Variants in ASTN2 observed in about 807,000 individuals in gnomAD.
ASTN2 encodes the protein astrotactin-2.
Under a neutral mutation model 139.8 loss-of-function variants are expected in ASTN2, and 54 were observed. That is an observed-to-expected ratio of 0.39 (90% CI 0.31 to 0.48). The LOEUF (loss-of-function observed/expected upper bound fraction) is 0.48. Among genes scored for constraint, ASTN2 ranks in the 20% least tolerant of loss-of-function variants. ASTN2 has a pLI of 0.95. For missense variants in ASTN2, 1,565 were observed against 1,725.1 expected (o/e 0.91, Z 1.64); for synonymous variants, 756 against 719.5 (o/e 1.05, Z -0.81).
chr9:116,806,472 G>A (rs924557467), intron 12 of ASTN2, among the ~76,000 whole-genome samples: 1 of 152,212 alleles, frequency 6.6e-6, no homozygotes, highest in African/African-American at 2.4e-5. Flanking sequence ...GGCTGGAGGG[G>A]ATGGGGATGG....
intron 2 of ASTN2, among the ~76,000 whole-genome samples, chr9:117,259,263 C>T (rs1275071018): frequency 6.6e-6 from 1 of 152,176 alleles, no homozygotes; most frequent in Non-Finnish European, 1.5e-5. Context: ...CATGTATTCA[C>T]TCATCCCTGC....
At chr9:116,749,617 TG>T (rs1003390807) in intron 13 of ASTN2, among the ~76,000 whole-genome samples, 8 of 152,132 alleles carry the variant, frequency 5.3e-5, no homozygotes, top group Admixed American at 6.5e-5. Context: ...TCCCTACTTT[TG>T]GGGGGCAGGA....
intron 20 of ASTN2, among the ~76,000 whole-genome samples, chr9:116,481,385 A>C (rs73522410): frequency 0.041 from 6,220 of 152,248 alleles, 428 homozygotes; most frequent in African/African-American, 0.14. Context: ...CTGTCTCAAA[A>C]AAATCAAAAT....
intron 12 of ASTN2, among the ~76,000 whole-genome samples, chr9:116,806,060 G>A (rs775741870): frequency 5.9e-5 from 9 of 152,246 alleles, no homozygotes; most frequent in Admixed American, 2.0e-4. Flanking sequence ...GGACACCAGC[G>A]TGCACGTTCA....
chr9:117,146,418 C>T (rs781208611), intron 3 of ASTN2, among the ~76,000 whole-genome samples: 3 of 150,272 alleles, frequency 2.0e-5, no homozygotes, highest in Non-Finnish European at 4.4e-5. Flanking sequence ...AGCCCTGGTC[C>T]CCAAGCCAAG....
Position 117,214,397 on chromosome 9 carries a change from C to T in ASTN2, c.976G>A (p.Gly326Arg). The change falls in exon 3 of 23, where the codon GGA (glycine) becomes AGA (arginine). Residue 326 changes from glycine to arginine, a missense_variant. By Grantham distance (125) the Gly-to-Arg change is moderately radical (BLOSUM62 -2). Around this residue, in one of 4 missense-constraint regions of ASTN2, gnomAD observed 596 missense variants for 576.8 expected, o/e 1.03. Transcript: ENST00000313400. The part of the protein sequence containing the change: ...SQVTHTLDSL[G>R]HPGEEKVDFE... ...TCCACCTTCTCTTCCCCTGGATGTC[C>T]CAGACTGTCCAGAGTGTGGGTCACC... 2 of 1,611,044 alleles carry T rather than the reference C, an allele frequency of 1.2e-6. No individual in the cohort carries two copies. The highest frequency in any genetic ancestry group is 1.7e-6 in the Non-Finnish European group (2 of 1,177,566).
intron 10 of ASTN2, among the ~76,000 whole-genome samples, chr9:116,941,021 C>T (rs183863433): frequency 5.3e-5 from 8 of 152,256 alleles, no homozygotes; most frequent in African/African-American, 1.9e-4. Context: ...TAATAGGCTA[C>T]ATCATGTAGC....
chr9:116,439,287 G>A (rs1439603571), intron 22 of ASTN2, among the ~76,000 whole-genome samples: 1 of 117,498 alleles, frequency 8.5e-6, no homozygotes, highest in African/African-American at 3.7e-5. Context: ...TGCAAGCTCC[G>A]CCTCCCGGGT....
At chr9:116,888,040 A>T (rs1833662663) in intron 10 of ASTN2, among the ~76,000 whole-genome samples, 1 of 152,130 alleles carries the variant, frequency 6.6e-6, no homozygotes, top group Non-Finnish European at 1.5e-5. Context: ...GATAATATAT[A>T]TTTTTCATAT....
At chr9:116,929,363 C>T (rs757267903) in intron 10 of ASTN2, among the ~76,000 whole-genome samples, 4 of 152,156 alleles carry the variant, frequency 2.6e-5, no homozygotes, top group Non-Finnish European at 4.4e-5. Context: ...AGCTACAATG[C>T]ATTCCTTTGG....
intron 19 of ASTN2, among the ~76,000 whole-genome samples, chr9:116,528,402 T>G (rs945933824): frequency 2.6e-5 from 4 of 152,208 alleles, no homozygotes; most frequent in Admixed American, 1.3e-4. Flanking sequence ...AGAAATGACC[T>G]GACTTTTTTT....
chr9:116,445,875 G>A lies in ASTN2; in HGVS notation c.3498-3322C>T, dbSNP rs183653720. Among the ~76,000 whole-genome samples the A allele has an allele frequency of 5.1e-4, 77 of 152,266 alleles. No homozygotes were observed. The East Asian group carries it at 0.012, about 24-fold the overall frequency. ...AACCAAACATGCCAGTGGGGGCCTC[G>A]GGATGGAGGAGGCCTCAGGCAACCC... On this transcript the variant is annotated intron_variant, in intron 20 of 22. Coordinates refer to ENST00000313400, the MANE Select transcript of ASTN2 (RefSeq NM_001365068.1).
rs113627570 is a variant in ASTN2, at chr9:117,286,087, G to A, written c.630+5239C>T. On this transcript the variant is annotated intron_variant, in intron 2 of 22. Coordinates refer to ENST00000313400, the MANE Select transcript of ASTN2 (RefSeq NM_001365068.1). ...TTAAAATGAAATTATATTTCTCACT[G>A]TTAAAAAGGGGGAGAGGAGGAAAGA... Among the ~76,000 whole-genome samples the A allele has an allele frequency of 6.7e-4, 102 of 152,166 alleles. 1 individual carries two copies. Among genetic ancestry groups the A allele is most frequent in the Middle Eastern group, 6.8e-3 (2 of 292 alleles).
At chr9:117,092,745 C>A (rs10759897) in intron 5 of ASTN2, among the ~76,000 whole-genome samples, 98,300 of 151,980 alleles carry the variant, frequency 0.65, 32,593 homozygotes, top group East Asian at 0.85. Flanking sequence ...TCTGTGTCAC[C>A]GCTGGGCTGG....
intron 11 of ASTN2, among the ~76,000 whole-genome samples, chr9:116,823,527 G>A (rs150025130): frequency 1.2e-4 from 19 of 152,240 alleles, no homozygotes; most frequent in African/African-American, 3.6e-4. Context: ...TAGAAGTGAC[G>A]CCCAGAAAGT....
chr9:116,609,381 A>G (rs1413380805), intron 19 of ASTN2, among the ~76,000 whole-genome samples: 21 of 32,260 alleles, frequency 6.5e-4, no homozygotes, highest in African/African-American at 2.1e-3. Context: ...ATATGGGTGT[A>G]TATATATATA....
intron 2 of ASTN2, among the ~76,000 whole-genome samples, chr9:117,274,378 C>T (rs971105380): frequency 1.3e-5 from 2 of 152,034 alleles, no homozygotes; most frequent in African/African-American, 4.8e-5. Flanking sequence ...TTGGAACAGG[C>T]CAGAAAACAT....
intron 13 of ASTN2, among the ~76,000 whole-genome samples, chr9:116,785,360 T>C (rs2132212596): frequency 6.6e-6 from 1 of 152,304 alleles, no homozygotes; most frequent in East Asian, 1.9e-4. Context: ...AATGTACATT[T>C]CAAGTCATGT....
At chr9:117,322,764 T>C (rs1162482849) in intron 1 of ASTN2, among the ~76,000 whole-genome samples, 3 of 152,048 alleles carry the variant, frequency 2.0e-5, no homozygotes, top group Non-Finnish European at 4.4e-5. Flanking sequence ...TTTGTTGATG[T>C]GTATGCCTGG....
Sources: gnomAD v4.1 joint callset for allele counts (sites outside exome capture counted in the v4.1 genomes callset) on GRCh38, gnomAD v4.1.1 for gene constraint, gnomAD v4.1.1 regional missense constraint, MANE v1.5 for transcripts, NCBI Gene and HGNC (gene_info 2026-07-23, HGNC 2026-07-21) for gene names.